The following SUGCT variants were observed in gnomAD, a reference collection of about 807,000 sequenced individuals.
SUGCT encodes the protein succinyl-CoA:glutarate-CoA transferase, also known as succinyl-CoA:glutarate CoA-transferase.
In SUGCT, 41 loss-of-function variants were observed where a neutral mutation model predicts 55.0. That is an observed-to-expected ratio of 0.74 (90% confidence interval 0.58 to 0.97). The LOEUF is 0.97. Ranked by LOEUF, SUGCT falls within the 50% of genes least tolerant of loss-of-function variation. The pLI, the probability that SUGCT is intolerant of heterozygous loss-of-function variation, is 0.00. For synonymous variants in SUGCT, 187 were observed against 200.4 expected (o/e 0.93, Z 0.56); for missense variants, 568 against 547.8 (o/e 1.04, Z -0.37).
chr7:40,285,218 A>C (rs953252626), intron 8 of SUGCT, among the ~76,000 whole-genome samples: 5 of 152,194 alleles, frequency 3.3e-5, no homozygotes, highest in Non-Finnish European at 7.4e-5. Flanking sequence ...AAGATATAAA[A>C]GAAATAGAAA....
chr7:40,760,971 A>G (rs1226382569), intron 13 of SUGCT, among the ~76,000 whole-genome samples: 2 of 152,262 alleles, frequency 1.3e-5, no homozygotes, highest in African/African-American at 4.8e-5. Flanking sequence ...TACAGTAACA[A>G]GTAGTCTTGG....
chr7:40,715,548 C>G (rs561191189), intron 12 of SUGCT, among the ~76,000 whole-genome samples: 4 of 152,150 alleles, frequency 2.6e-5, no homozygotes, highest in Admixed American at 6.5e-5. Context: ...CTTTGCCCCC[C>G]CTCATGTGTT....
intron 9 of SUGCT, among the ~76,000 whole-genome samples, chr7:40,428,129 T>C (rs1787691422): frequency 6.6e-6 from 1 of 152,224 alleles, no homozygotes; most frequent in Non-Finnish European, 1.5e-5. Context: ...GTAATGTCCT[T>C]CTCTGTCTCT....
intron 9 of SUGCT, among the ~76,000 whole-genome samples, chr7:40,353,221 A>G (rs1797728436): frequency 1.3e-5 from 2 of 152,186 alleles, no homozygotes; most frequent in African/African-American, 4.8e-5. Context: ...TTTGAGAACT[A>G]TTTAAAAAAT....
the SUGCT span, among the ~76,000 whole-genome samples, chr7:40,910,278 C>G: frequency 2.0e-5 from 3 of 151,738 alleles, no homozygotes; most frequent in African/African-American, 4.8e-5. Flanking sequence ...CCAGGTATGA[C>G]AGATGTTAGG....
At chr7:40,783,164 T>TGGGTAGTCACAACATCC (rs1789843207) in intron 13 of SUGCT, among the ~76,000 whole-genome samples, 1 of 152,172 alleles carries the variant, frequency 6.6e-6, no homozygotes, top group Non-Finnish European at 1.5e-5. Context: ...TGACAAACTC[T>TGGGTAGTCACAACATCC]GGGTAGTCAC....
chr7:40,959,743 G>T, the SUGCT span, among the ~76,000 whole-genome samples: 1 of 151,800 alleles, frequency 6.6e-6, no homozygotes, highest in Non-Finnish European at 1.5e-5. Flanking sequence ...CCTACAGCTA[G>T]CTTGGTGTCT....
chr7:40,340,482 T>C (rs1462311458), intron 9 of SUGCT, among the ~76,000 whole-genome samples: 1 of 152,188 alleles, frequency 6.6e-6, no homozygotes, highest in Non-Finnish European at 1.5e-5. Context: ...TAAAAGTCTG[T>C]AACTTGTAAG....
intron 9 of SUGCT, among the ~76,000 whole-genome samples, chr7:40,393,968 G>T (rs762718528): frequency 2.6e-5 from 4 of 152,194 alleles, no homozygotes; most frequent in African/African-American, 4.8e-5. Context: ...AGCAACCAAA[G>T]AATTGTTCTA....
At chr7:40,274,866 A>G (rs938791087) in intron 8 of SUGCT, among the ~76,000 whole-genome samples, 2 of 152,110 alleles carry the variant, frequency 1.3e-5, no homozygotes, top group African/African-American at 2.4e-5. Flanking sequence ...CAATGGCGTG[A>G]TCTTGGCTCA....
intron 12 of SUGCT, among the ~76,000 whole-genome samples, chr7:40,704,102 G>A (rs1309172666): frequency 6.6e-6 from 1 of 152,212 alleles, no homozygotes; most frequent in Non-Finnish European, 1.5e-5. Context: ...GATTCTTATT[G>A]TGAATCTCTT....
chr7:40,822,516 T>C (rs1252652825), intron 13 of SUGCT, among the ~76,000 whole-genome samples: 4 of 152,226 alleles, frequency 2.6e-5, no homozygotes, highest in Non-Finnish European at 5.9e-5. Context: ...TACCATTATG[T>C]AATGGCCTTC....
chr7:40,856,116 CTTA>C (rs1350789946), intron 13 of SUGCT, among the ~76,000 whole-genome samples: 1 of 152,148 alleles, frequency 6.6e-6, no homozygotes, highest in Non-Finnish European at 1.5e-5. Flanking sequence ...TCCGCTTGCT[CTTA>C]TTCTCCTTCT....
At chr7:40,957,624 G>C in the SUGCT span, among the ~76,000 whole-genome samples, 2 of 151,730 alleles carry the variant, frequency 1.3e-5, no homozygotes, top group African/African-American at 4.8e-5. Flanking sequence ...CTTTTAATTG[G>C]GGTATTTAGC....
chr7:40,365,814 A>G (rs569700746), intron 9 of SUGCT, among the ~76,000 whole-genome samples: 19 of 152,256 alleles, frequency 1.2e-4, no homozygotes, highest in Non-Finnish European at 2.8e-4. Flanking sequence ...GGCAGAATCA[A>G]TATCCTGAAA....
At chr7:40,512,600 A>G (rs1253924779) in intron 12 of SUGCT, among the ~76,000 whole-genome samples, 1 of 152,104 alleles carries the variant, frequency 6.6e-6, no homozygotes, top group African/African-American at 2.4e-5. Context: ...TATTTCATTT[A>G]TTTCATATAC....
intron 13 of SUGCT, among the ~76,000 whole-genome samples, chr7:40,767,398 G>A (rs1432648927): frequency 6.6e-6 from 1 of 152,060 alleles, no homozygotes; most frequent in Non-Finnish European, 1.5e-5. Context: ...TATCTGAATG[G>A]GGCATTTTTC....
chr7:40,249,372 A>G (rs1429358817), intron 7 of SUGCT, among the ~76,000 whole-genome samples: 2 of 135,666 alleles, frequency 1.5e-5, no homozygotes, highest in Non-Finnish European at 3.2e-5. Context: ...AATATATTAT[A>G]TACAAATATT....
intron 12 of SUGCT, among the ~76,000 whole-genome samples, chr7:40,600,817 G>A (rs1466373193): frequency 6.6e-6 from 1 of 151,788 alleles, no homozygotes; most frequent in Non-Finnish European, 1.5e-5. Flanking sequence ...GTGGCATGAG[G>A]ATGATGCTCA....
Sources: allele counts gnomAD v4.1 joint callset (sites outside exome capture counted in the v4.1 genomes callset), GRCh38; gene constraint gnomAD v4.1.1; transcripts MANE v1.5; gene names NCBI Gene and HGNC (gene_info 2026-07-23, HGNC 2026-07-21).